ESR2: variants seen among roughly 807,000 people sequenced by gnomAD.
ESR2 encodes estrogen receptor 2.
In ESR2, 36 loss-of-function variants were observed where a neutral mutation model predicts 49.6. The ratio of observed to expected loss-of-function variants is 0.73; its 90% CI spans 0.56 to 0.96. ESR2 has a LOEUF of 0.96. Ranked by LOEUF, ESR2 falls within the 40% of genes least tolerant of loss-of-function variation. The pLI is 0.00. For synonymous variants in ESR2, 320 were observed against 266.1 expected (o/e 1.20, Z -1.97); for missense variants, 714 against 693.0 (o/e 1.03, Z -0.34).
intron 6 of ESR2, among the ~76,000 whole-genome samples, chr14:64,251,762 G>C (rs1035904176): frequency 6.6e-6 from 1 of 151,912 alleles, no homozygotes; most frequent in African/African-American, 2.4e-5. Flanking sequence ...TCATTCAAGG[G>C]GTGGCAAAGT....
intron 3 of ESR2, among the ~76,000 whole-genome samples, chr14:64,271,988 C>A (rs1027234989): frequency 7.2e-5 from 11 of 152,310 alleles, no homozygotes; most frequent in African/African-American, 2.4e-4. Context: ...AAACTGTTCT[C>A]CATAGTAGTT....
At chr14:64,290,017 A>G (rs1023029969) in intron 1 of ESR2, among the ~76,000 whole-genome samples, 1 of 152,156 alleles carries the variant, frequency 6.6e-6, no homozygotes, top group African/African-American at 2.4e-5. Flanking sequence ...ATTTAAAAAG[A>G]TTTCTTAAGC....
chr14:64,260,518 T>C lies in ESR2; in HGVS notation c.883A>G (p.Met295Val). ...TCGGCCAACTTGGTCAGGGACATCA[T>C]CATGGAGGCCTCGGTGAAGGGCGCA... is the stretch of plus-strand genomic sequence containing the variant. ...PSAPFTEASM[M>V]MSLTKLADKE... is the part of the protein sequence containing the mutation. Residue 295 changes from methionine (M) to valine (V), a missense_variant, in exon 5 of 9, where the codon ATG becomes GTG. Met to Val is a conservative substitution (Grantham distance 21). Transcript: ENST00000341099. The C allele has an allele frequency of 6.4e-7, 1 of 1,553,914 alleles. No homozygotes were observed. Among genetic ancestry groups the C allele is most frequent in the Non-Finnish European group, 8.7e-7 (1 of 1,149,900 alleles).
intron 1 of ESR2, among the ~76,000 whole-genome samples, chr14:64,309,604 T>C (rs1483636891): frequency 6.4e-5 from 3 of 46,616 alleles, no homozygotes; most frequent in East Asian, 3.6e-4. Flanking sequence ...TGAAACTCCA[T>C]CTCAAAAAAA....
downstream of ESR2, chr14:64,227,332 CT>C (rs1281383025): frequency 3.2e-6 from 2 of 626,726 alleles, no homozygotes; most frequent in African/African-American, 1.9e-5. Context: ...GAGAATCCGT[CT>C]TCACTTTAGC....
intron 7 of ESR2, among the ~76,000 whole-genome samples, chr14:64,242,586 TAC>T (rs1268137428): frequency 4.0e-5 from 6 of 151,858 alleles, no homozygotes; most frequent in African/African-American, 1.5e-4. Context: ...ATTCTTTTAA[TAC>T]AGTTTTGGAT....
chr14:64,332,593 G>A (rs1419938270), intron 1 of ESR2, among the ~76,000 whole-genome samples: 1 of 152,032 alleles, frequency 6.6e-6, no homozygotes, highest in East Asian at 2.0e-4. Flanking sequence ...GAGGTCAGGA[G>A]ATCGAGACCA....
chr14:64,322,565 A>T (rs563976945), intron 1 of ESR2, among the ~76,000 whole-genome samples: 1 of 152,154 alleles, frequency 6.6e-6, no homozygotes, highest in Non-Finnish European at 1.5e-5. Flanking sequence ...GTAGTCAAGA[A>T]AATGTAAATT....
intron 7 of ESR2, among the ~76,000 whole-genome samples, chr14:64,239,510 T>C (rs567262820): frequency 6.6e-6 from 1 of 152,358 alleles, no homozygotes; most frequent in African/African-American, 2.4e-5. Context: ...ATTTAAAATA[T>C]TTTAAAGACT....
At position 64,232,612 on chromosome 14, in the gene ESR2, C is replaced by G. The variant is rs1567724680; in HGVS notation, c.*525G>C. On this transcript the variant is annotated 3_prime_UTR_variant, in exon 9 of 9. Coordinates refer to ENST00000341099, the MANE Select transcript of ESR2 (RefSeq NM_001437.3). Reference sequence around the variant, plus strand: ...CAGAATAAGCATCATATGATATGATCAGTCCCCACAGGCCTGGGAGGTAAG... The same window carrying G: ...CAGAATAAGCATCATATGATATGATGAGTCCCCACAGGCCTGGGAGGTAAG... The G allele has an allele frequency of 6.5e-6, 1 of 153,318 alleles. No homozygotes were observed. The highest frequency in any genetic ancestry group is 1.9e-4 in the East Asian group (1 of 5,208). 9.5% of individuals were successfully genotyped at this position (153,318 alleles called of 1,614,324 possible). A position where few individuals can be genotyped will look rare whatever the true frequency, so the allele number is the denominator to read the frequency against.
chr14:64,257,458 A>C, intron 5 of ESR2, 94 bp from the exon 6 acceptor site: 1 of 1,465,226 alleles, frequency 6.8e-7, no homozygotes, highest in Non-Finnish European at 9.3e-7. Context: ...AAACACTAAG[A>C]AAACACAAAC....
intron 1 of ESR2, among the ~76,000 whole-genome samples, chr14:64,334,749 T>C (rs2077508035): frequency 6.6e-6 from 1 of 152,246 alleles, no homozygotes; most frequent in African/African-American, 2.4e-5. Flanking sequence ...TGGGTTCAAG[T>C]GATTCTCCTG....
chr14:64,242,015 T>A (rs2075738338), intron 7 of ESR2, among the ~76,000 whole-genome samples: 1 of 152,236 alleles, frequency 6.6e-6, no homozygotes, highest in Non-Finnish European at 1.5e-5. Flanking sequence ...TTTTCATAGG[T>A]GCCCTTTAAT....
At chr14:64,228,064 C>T, downstream of ESR2, 1 of 1,386,136 alleles carries the variant, frequency 7.2e-7, no homozygotes. Context: ...ATAAATCAAT[C>T]ACAAGTGTGA....
chr14:64,313,127 G>C (rs2077203893), intron 1 of ESR2, among the ~76,000 whole-genome samples: 1 of 152,098 alleles, frequency 6.6e-6, no homozygotes, highest in Non-Finnish European at 1.5e-5. Context: ...ACCAGACACA[G>C]GGAGGGACAT....
At chr14:64,248,505 C>CAAAAAAAAAAAAA (rs56108535) in intron 7 of ESR2, among the ~76,000 whole-genome samples, 10 of 87,238 alleles carry the variant, frequency 1.1e-4, no homozygotes, top group African/African-American at 2.6e-4. Context: ...GATCCTGTCT[C>CAAAAAAAAAAAAA]AAAAAAAAAA....
chr14:64,285,063 C>A (rs1331569734), intron 1 of ESR2, among the ~76,000 whole-genome samples: 1 of 152,030 alleles, frequency 6.6e-6, no homozygotes, highest in Non-Finnish European at 1.5e-5. Context: ...GTTGGCCAGG[C>A]TCGTCTTGAA....
chr14:64,330,583 GGTCA>G (rs1395239747), intron 1 of ESR2: 1 of 152,236 alleles, frequency 6.6e-6, no homozygotes, highest in Non-Finnish European at 1.5e-5. Context: ...GCTTGCAGAA[GGTCA>G]GTCTTTTGGT....
chr14:64,252,787 TGGA>T (rs2076014504), intron 6 of ESR2, among the ~76,000 whole-genome samples: 1 of 152,152 alleles, frequency 6.6e-6, no homozygotes, highest in Non-Finnish European at 1.5e-5. Flanking sequence ...CCTTGACACG[TGGA>T]GATTACAATT....
Sources: allele counts gnomAD v4.1 joint callset (sites outside exome capture counted in the v4.1 genomes callset), GRCh38; gene constraint gnomAD v4.1.1; transcripts MANE v1.5; gene names NCBI Gene and HGNC (gene_info 2026-07-23, HGNC 2026-07-21).